MARCHF1: variants seen among roughly 807,000 people sequenced by gnomAD.
The protein encoded by MARCHF1 is E3 ubiquitin-protein ligase MARCHF1.
Under a neutral mutation model 54.2 loss-of-function variants are expected in MARCHF1, and 40 were observed. That is an observed-to-expected ratio of 0.74 (90% CI 0.57 to 0.96). The LOEUF (loss-of-function observed/expected upper bound fraction) is 0.96, where lower values mean the gene tolerates loss of function less well. Among genes scored for constraint, MARCHF1 ranks in the 40% least tolerant of loss-of-function variants. The pLI is 0.00. For missense variants in MARCHF1, 586 were observed against 656.5 expected (o/e 0.89, Z 1.17); for synonymous variants, 236 against 236.3 (o/e 1.00, Z 0.01).
intron 2 of MARCHF1, among the ~76,000 whole-genome samples, chr4:164,021,531 C>T (rs140678512): frequency 4.7e-4 from 71 of 152,008 alleles, no homozygotes; most frequent in Non-Finnish European, 7.9e-4. Context: ...CTTTTCTGAG[C>T]TTTGCTTTTT....
At chr4:163,978,747 T>A (rs1752699573) in intron 3 of MARCHF1, among the ~76,000 whole-genome samples, 1 of 152,086 alleles carries the variant, frequency 6.6e-6, no homozygotes, top group South Asian at 2.1e-4. Context: ...TTTGTTTTAT[T>A]CTTAGAGACA....
chr4:163,872,438 A>C (rs1750188726), intron 3 of MARCHF1, among the ~76,000 whole-genome samples: 1 of 152,254 alleles, frequency 6.6e-6, no homozygotes, highest in Non-Finnish European at 1.5e-5. Context: ...TCAGCAAAGA[A>C]TGGTCTCATG....
intron 2 of MARCHF1, among the ~76,000 whole-genome samples, chr4:164,032,511 C>G (rs1027410580): frequency 1.4e-4 from 21 of 152,164 alleles, no homozygotes; most frequent in African/African-American, 5.1e-4. Context: ...TTAGCTGTGT[C>G]TCAGAGATTC....
intron 3 of MARCHF1, among the ~76,000 whole-genome samples, chr4:163,978,719 TTTG>T (rs967459639): frequency 5.3e-5 from 8 of 151,848 alleles, no homozygotes; most frequent in African/African-American, 1.5e-4. Flanking sequence ...TTACTTCTCT[TTTG>T]TTGTTGTTGT....
chr4:164,022,443 C>G lies in MARCHF1; in HGVS notation c.-247-33734G>C, dbSNP rs150270598. On this transcript the variant is annotated intron_variant, in intron 2 of 9. Coordinates refer to ENST00000514618, the MANE Select transcript of MARCHF1 (RefSeq NM_001394959.1). ...AAACCAAGGCTGAAGAGAAAGAAAGCTGAAAACCACATGTGGGGTACACAA... is the reference window on the plus strand; with the variant it reads ...AAACCAAGGCTGAAGAGAAAGAAAGGTGAAAACCACATGTGGGGTACACAA... 4.4e-3 allele frequency among the ~76,000 whole-genome samples: 674 copies of G among 152,236 alleles called. 10 individuals carry two copies. The highest frequency in any genetic ancestry group is 0.01 in the Middle Eastern group (3 of 294).
At chr4:163,552,275 G>A (rs1739131706) in intron 8 of MARCHF1, among the ~76,000 whole-genome samples, 1 of 152,184 alleles carries the variant, frequency 6.6e-6, no homozygotes, top group African/African-American at 2.4e-5. Flanking sequence ...TGGAAACAGT[G>A]AGGAATGGGC....
chr4:163,755,309 G>A (rs181027662), intron 4 of MARCHF1, among the ~76,000 whole-genome samples: 118 of 152,234 alleles, frequency 7.8e-4, no homozygotes, highest in Non-Finnish European at 1.4e-3. Context: ...ACAGGAAGTC[G>A]TATACCACAG....
At chr4:163,599,986 A>T (rs1369545916) in intron 7 of MARCHF1, among the ~76,000 whole-genome samples, 1 of 152,186 alleles carries the variant, frequency 6.6e-6, no homozygotes, top group Non-Finnish European at 1.5e-5. Flanking sequence ...TTTGAGGACC[A>T]ATGTCCTATA....
At chr4:163,835,093 G>A (rs1494289) in intron 4 of MARCHF1, among the ~76,000 whole-genome samples, 118,928 of 151,982 alleles carry the variant, frequency 0.78, 47,974 homozygotes, top group Non-Finnish European at 0.91. Flanking sequence ...GTGTTGTCCA[G>A]GCTGATCTCA....
chr4:164,210,931 T>C (rs1229623188), intron 1 of MARCHF1, among the ~76,000 whole-genome samples: 1 of 152,152 alleles, frequency 6.6e-6, no homozygotes, highest in East Asian at 1.9e-4. Context: ...GAGGACATTA[T>C]GCTAAGTAAA....
At chr4:163,574,890 A>G (rs1395832839) in intron 8 of MARCHF1, among the ~76,000 whole-genome samples, 2 of 151,440 alleles carry the variant, frequency 1.3e-5, no homozygotes, top group African/African-American at 2.4e-5. Context: ...CATTGAATCT[A>G]TAAATTACCT....
At chr4:164,355,457 G>A (rs1459146538) in intron 1 of MARCHF1, among the ~76,000 whole-genome samples, 9 of 129,420 alleles carry the variant, frequency 7.0e-5, no homozygotes, top group African/African-American at 1.7e-4. Flanking sequence ...CAGAAATAAC[G>A]CCGCATACCT....
At chr4:163,793,066 G>A (rs1054569441) in intron 4 of MARCHF1, among the ~76,000 whole-genome samples, 3 of 152,192 alleles carry the variant, frequency 2.0e-5, no homozygotes, top group South Asian at 2.1e-4. Flanking sequence ...TATAGCAGAC[G>A]TTAAATAACT....
intron 2 of MARCHF1, among the ~76,000 whole-genome samples, chr4:163,996,815 G>T (rs1753085415): frequency 6.6e-6 from 1 of 152,006 alleles, no homozygotes; most frequent in African/African-American, 2.4e-5. Flanking sequence ...ACCATGTGAA[G>T]ACTGGAGTTA....
chr4:163,711,864 C>G (rs949421851), intron 4 of MARCHF1, among the ~76,000 whole-genome samples: 1 of 152,126 alleles, frequency 6.6e-6, no homozygotes, highest in Non-Finnish European at 1.5e-5. Context: ...GAAATGCTAT[C>G]TGTTTCTTTC....
intron 4 of MARCHF1, among the ~76,000 whole-genome samples, chr4:163,784,140 CTTT>C (rs397796838): frequency 6.3e-5 from 9 of 142,852 alleles, no homozygotes; most frequent in Admixed American, 7.0e-5. Context: ...AGCAGAAATT[CTTT>C]TTTTTTTTTT....
At chr4:164,064,165 G>A (rs1754680133) in intron 2 of MARCHF1, among the ~76,000 whole-genome samples, 1 of 152,146 alleles carries the variant, frequency 6.6e-6, no homozygotes, top group African/African-American at 2.4e-5. Context: ...GGTTCCATAT[G>A]AATTGTAAAA....
chr4:163,783,696 G>A (rs1190348943), intron 4 of MARCHF1, among the ~76,000 whole-genome samples: 1 of 152,218 alleles, frequency 6.6e-6, no homozygotes, highest in Non-Finnish European at 1.5e-5. Context: ...GCCTCTCCTA[G>A]TGTTTGAGGT....
Position 163,883,447 on chromosome 4 carries a change from G to T in MARCHF1, c.-38-29278C>A, listed in dbSNP as rs1469691375. Among the ~76,000 whole-genome samples the T allele has an allele frequency of 2.0e-5, 3 of 147,686 alleles. No individual in the cohort carries two copies. The East Asian group carries it at 6.0e-4, about 29-fold the overall frequency. ...TGAATTCTTTATTGTCTTTTAAGTT[G>T]AAAAGTTCCAGTAGGAGACCCATCT... is the stretch of plus-strand genomic sequence containing the variant. On this transcript the variant is annotated intron_variant, in intron 3 of 9. Coordinates refer to ENST00000514618, the MANE Select transcript of MARCHF1 (RefSeq NM_001394959.1).
Sources: gnomAD v4.1 joint callset for allele counts (sites outside exome capture counted in the v4.1 genomes callset) on GRCh38, gnomAD v4.1.1 for gene constraint, MANE v1.5 for transcripts, NCBI Gene and HGNC (gene_info 2026-07-23, HGNC 2026-07-21) for gene names.